The following GKAP1 variants were observed in gnomAD, a reference collection of about 807,000 sequenced individuals.
GKAP1 encodes G kinase anchoring protein 1.
GKAP1 carries 31 observed loss-of-function variants against 56.7 expected under a neutral mutation model. The ratio of observed to expected loss-of-function variants is 0.55; its 90% CI spans 0.41 to 0.74. The LOEUF (loss-of-function observed/expected upper bound fraction) is 0.74. Among genes scored for constraint, GKAP1 ranks in the 30% least tolerant of loss-of-function variants. The probability of loss-of-function intolerance (pLI) is 0.00; values close to 1 mark genes in which losing one functional copy is unlikely to be tolerated. For synonymous variants in GKAP1, 151 were observed against 138.6 expected (o/e 1.09, Z -0.63); for missense variants, 364 against 402.3 (o/e 0.90, Z 0.82).
chr9:83,753,410 G>T, intron 8 of GKAP1, 51 bp from the exon 9 acceptor site: 1 of 1,157,706 alleles, frequency 8.6e-7, no homozygotes, highest in South Asian at 1.3e-5. Flanking sequence ...CGCTAATTCT[G>T]GTTTATAGTA....
Position 83,774,701 on chromosome 9 carries a change from C to CTTTTTTTTT in GKAP1, c.585+5680_585+5681insAAAAAAAAA, listed in dbSNP as rs1564199151. 5.9e-5 allele frequency among the ~76,000 whole-genome samples: 6 copies of CTTTTTTTTT among 100,942 alleles called. 2 individuals carry two copies. The highest frequency in any genetic ancestry group is 1.0e-4 in the Non-Finnish European group (5 of 49,358). 66.2% of individuals were successfully genotyped at this position (100,942 alleles called of 152,430 possible). ...AGAAACTATCAATAAACAGAAACCC[C>CTTTTTTTTT]CTTTTTTTTTTTTTTTTTTTTTTTT... On this transcript the variant is annotated intron_variant, in intron 7 of 12. Coordinates refer to ENST00000376371, the MANE Select transcript of GKAP1 (RefSeq NM_025211.4).
At chr9:83,789,434 G>C (rs1488696517) in intron 4 of GKAP1, among the ~76,000 whole-genome samples, 1 of 152,184 alleles carries the variant, frequency 6.6e-6, no homozygotes, top group Admixed American at 6.5e-5. Flanking sequence ...TGGGTTTGCA[G>C]CTGTATATAA....
intron 8 of GKAP1, among the ~76,000 whole-genome samples, chr9:83,766,888 C>T (rs1485083892): frequency 6.6e-6 from 1 of 152,074 alleles, no homozygotes; most frequent in Non-Finnish European, 1.5e-5. Flanking sequence ...GCAAGGCAGA[C>T]AATATTGTGC....
chr9:83,788,982 T>C (rs547034054), intron 4 of GKAP1: 115 of 198,060 alleles, frequency 5.8e-4, no homozygotes, highest in Non-Finnish European at 9.3e-4. Flanking sequence ...ATAATAGATG[T>C]CAAAGGCAAC....
At chr9:83,778,423 T>G (rs1943898054) in intron 7 of GKAP1, among the ~76,000 whole-genome samples, 1 of 152,182 alleles carries the variant, frequency 6.6e-6, no homozygotes, top group South Asian at 2.1e-4. Flanking sequence ...GATGCCATTA[T>G]CCTTAACAAA....
At chr9:83,813,880 T>G (rs1486335790) in intron 2 of GKAP1, among the ~76,000 whole-genome samples, 2 of 152,178 alleles carry the variant, frequency 1.3e-5, no homozygotes. Context: ...GTGGGCAGAT[T>G]GCTTGAGCCC....
At chr9:83,752,482 C>T (rs7040035) in intron 9 of GKAP1, among the ~76,000 whole-genome samples, 26,596 of 152,066 alleles carry the variant, frequency 0.17, 2,899 homozygotes, top group Non-Finnish European at 0.24. Context: ...AGAGGATAAA[C>T]ACTGTATGAT....
chr9:83,817,188 G>C (rs577442825), intron 1 of GKAP1, 61 bp from the exon 2 acceptor site: 1 of 151,728 alleles, frequency 6.6e-6, no homozygotes, highest in Non-Finnish European at 1.5e-5. Flanking sequence ...CCGGCTCCCC[G>C]GGAGGGAGCG....
chr9:83,804,408 C>T (rs1346793335), intron 3 of GKAP1, among the ~76,000 whole-genome samples: 565 of 140,718 alleles, frequency 4.0e-3, no homozygotes, highest in African/African-American at 0.014. Flanking sequence ...GGGGGGTCAG[C>T]CCCCCGCCCG....
At chr9:83,766,853 C>A (rs1943671803) in intron 8 of GKAP1, among the ~76,000 whole-genome samples, 2 of 122,820 alleles carry the variant, frequency 1.6e-5, no homozygotes, top group African/African-American at 2.7e-5. Flanking sequence ...CTTTTAAACA[C>A]CTGGTGGCTG....
At chr9:83,781,895 G>A (rs1160261418) in intron 6 of GKAP1, among the ~76,000 whole-genome samples, 2 of 150,588 alleles carry the variant, frequency 1.3e-5, no homozygotes, top group African/African-American at 2.4e-5. Flanking sequence ...CCAGGCTGGA[G>A]TGCAGCGGTA....
chr9:83,777,103 G>T lies in GKAP1; in HGVS notation c.585+3279C>A, dbSNP rs375358456. Among the ~76,000 whole-genome samples, 9 of 152,150 alleles carry T rather than the reference G, an allele frequency of 5.9e-5. No homozygotes were observed. In the East Asian group the frequency reaches 9.6e-4, roughly 16 times the overall value. On this transcript the variant is annotated intron_variant, in intron 7 of 12. Coordinates refer to ENST00000376371, the MANE Select transcript of GKAP1 (RefSeq NM_025211.4). ...AGCTTATACTGTAAAAAGCAGGCAG[G>T]CTATTTCTCCTATCCCTCTGTCCAA...
At chr9:83,741,877 G>T in intron 12 of GKAP1, 75 bp downstream of exon 12, 1 of 855,368 alleles carries the variant, frequency 1.2e-6, no homozygotes, top group Non-Finnish European at 1.8e-6. Context: ...ATAAAATACT[G>T]CATTTATTCT....
At chr9:83,747,794 A>C (rs1481654728) in intron 10 of GKAP1, among the ~76,000 whole-genome samples, 3 of 151,906 alleles carry the variant, frequency 2.0e-5, no homozygotes, top group African/African-American at 7.3e-5. Flanking sequence ...GCACTACCAC[A>C]CCTGGCTACT....
chr9:83,770,699 T>C (rs1027619586), intron 7 of GKAP1, among the ~76,000 whole-genome samples: 2 of 151,992 alleles, frequency 1.3e-5, no homozygotes, highest in African/African-American at 4.8e-5. Flanking sequence ...GTAGCTGGGA[T>C]TAAAGGCATG....
At chr9:83,791,259 C>T (rs563397284) in intron 4 of GKAP1, among the ~76,000 whole-genome samples, 14 of 152,084 alleles carry the variant, frequency 9.2e-5, no homozygotes, top group African/African-American at 2.7e-4. Flanking sequence ...AAAAATTAGC[C>T]GGACGTGGTG....
At chr9:83,803,736 C>T (rs1944374402) in intron 3 of GKAP1, among the ~76,000 whole-genome samples, 1 of 147,414 alleles carries the variant, frequency 6.8e-6, no homozygotes, top group South Asian at 2.2e-4. Context: ...GTGAGGAGCC[C>T]CTCTGCCTGG....
chr9:83,768,955 GAGA>G lies in GKAP1; in HGVS notation c.598_600del (p.Ser200del), dbSNP rs750866409. On this transcript the variant is annotated inframe_deletion, in exon 8 of 13. Coordinates refer to ENST00000376371, the MANE Select transcript of GKAP1 (RefSeq NM_025211.4). ...AATCCTCCATCATGTGATAAAGTCT[GAGA>G]AGAACTCAATTCCTGTCAAAAATGA... The G allele has an allele frequency of 2.9e-5, 46 of 1,608,062 alleles. No individual in the cohort carries two copies. The highest frequency in any genetic ancestry group is 1.7e-4 in the Middle Eastern group (1 of 5,948).
intron 4 of GKAP1, 97 bp downstream of exon 4, chr9:83,799,088 T>A: frequency 1.0e-6 from 1 of 996,126 alleles, no homozygotes; most frequent in South Asian, 1.4e-5. Context: ...TACAAATTGC[T>A]TCTCAGAACA....
Sources: gnomAD v4.1 joint callset for allele counts (sites outside exome capture counted in the v4.1 genomes callset) on GRCh38, gnomAD v4.1.1 for gene constraint, MANE v1.5 for transcripts, NCBI Gene and HGNC (gene_info 2026-07-23, HGNC 2026-07-21) for gene names.